The following GAS7 variants were observed in gnomAD, a reference collection of about 807,000 sequenced individuals.
GAS7 encodes growth arrest-specific protein 7.
Under a neutral mutation model 71.1 loss-of-function variants are expected in GAS7, and 28 were observed. The ratio of observed to expected loss-of-function variants is 0.39; its 90% confidence interval spans 0.29 to 0.54. The LOEUF is 0.54. Ranked by LOEUF, GAS7 falls within the 20% of genes least tolerant of loss-of-function variation. The pLI, the probability that GAS7 is intolerant of heterozygous loss-of-function variation, is 0.62. For synonymous variants in GAS7, 258 were observed against 245.8 expected (o/e 1.05, Z -0.46); for missense variants, 436 against 627.8 (o/e 0.69, Z 3.27).
At position 10,198,581 on chromosome 17, in the gene GAS7, G is replaced by GA; in HGVS notation, c.-192_-191insT. 1 of 373,968 alleles carries GA rather than the reference G, an allele frequency of 2.7e-6. No individual in the cohort carries two copies. Among genetic ancestry groups the GA allele is most frequent in the Non-Finnish European group, 4.7e-6 (1 of 213,116 alleles). 23.2% of individuals were successfully genotyped at this position (373,968 alleles called of 1,614,324 possible). A position where few individuals can be genotyped will look rare whatever the true frequency, so the allele number is the denominator to read the frequency against. The stretch of plus-strand genomic sequence containing the variant: ...GCTCCGCGCCGGGAAGCAGAGACTC[G>GA]TTGGCTTCGCAGAGCGAGCGGCGAC... On this transcript the variant is annotated 5_prime_UTR_variant, in exon 1 of 14. Coordinates refer to ENST00000432992, the MANE Select transcript of GAS7 (RefSeq NM_201433.2).
intron 1 of GAS7, among the ~76,000 whole-genome samples, chr17:10,195,001 G>C (rs569637362): frequency 5.1e-4 from 78 of 152,140 alleles, no homozygotes; most frequent in African/African-American, 1.8e-3. Context: ...TCCTTTTCTG[G>C]AGGTAGGTGT....
intron 1 of GAS7, among the ~76,000 whole-genome samples, chr17:10,167,129 C>T (rs528724143): frequency 1.5e-5 from 2 of 133,060 alleles, no homozygotes; most frequent in African/African-American, 5.8e-5. Flanking sequence ...GTGATCTCGG[C>T]TCACCGCAAC....
chr17:10,112,791 G>C (rs905825827), intron 1 of GAS7, among the ~76,000 whole-genome samples: 1 of 136,896 alleles, frequency 7.3e-6, no homozygotes, highest in African/African-American at 2.7e-5. Context: ...GAAAGAGAAA[G>C]AAAGAAAAGA....
rs1032313327 is a variant in GAS7, at chr17:10,103,872, T to C, written c.184-83975A>G. On this transcript the variant is annotated intron_variant, in intron 1 of 13. Coordinates refer to ENST00000432992, the MANE Select transcript of GAS7 (RefSeq NM_201433.2). The surrounding 1 kb of genome is among the most constrained non-coding windows in gnomAD (Gnocchi z 5.5). ...AAAAGAAGCAAACCCATAGAACCCA[T>C]AGTAGCTGCTCATCAACCCACAGCC... Among the ~76,000 whole-genome samples, 2 of 148,602 alleles carry C rather than the reference T, an allele frequency of 1.3e-5. No individual in the cohort carries two copies. Among genetic ancestry groups the C allele is most frequent in the Admixed American group, 6.7e-5 (1 of 14,910 alleles).
chr17:9,936,897 T>C (rs1314980702), intron 8 of GAS7, among the ~76,000 whole-genome samples: 1 of 152,180 alleles, frequency 6.6e-6, no homozygotes, highest in Non-Finnish European at 1.5e-5. Context: ...AATGTGCACA[T>C]GTCCTGTGAA....
chr17:9,961,504 C>T (rs931228967), intron 4 of GAS7, among the ~76,000 whole-genome samples: 6 of 152,190 alleles, frequency 3.9e-5, no homozygotes, highest in African/African-American at 9.7e-5. Flanking sequence ...CCATCACCAC[C>T]GCGTTCCCAC....
chr17:9,922,526 C>T (rs1276426464), intron 11 of GAS7, among the ~76,000 whole-genome samples: 1 of 152,210 alleles, frequency 6.6e-6, no homozygotes, highest in East Asian at 1.9e-4. Context: ...TGCTCTAAAG[C>T]ATGGAGGCTG....
At chr17:9,988,047 A>G (rs2070707559) in intron 2 of GAS7, among the ~76,000 whole-genome samples, 1 of 152,196 alleles carries the variant, frequency 6.6e-6, no homozygotes, top group Non-Finnish European at 1.5e-5. Flanking sequence ...GCAGAAGGAA[A>G]TGGACTCTGG....
intron 1 of GAS7, chr17:10,059,965 A>C: frequency 4.2e-6 from 1 of 236,118 alleles, no homozygotes; most frequent in Non-Finnish European, 6.9e-6. Context: ...TTTCCCCCTG[A>C]GGGTGGGTGG....
intron 1 of GAS7, chr17:10,059,592 T>A: frequency 1.8e-6 from 1 of 565,996 alleles, no homozygotes; most frequent in African/African-American, 2.0e-5. Context: ...GGAAGATTTC[T>A]CCTCCTGCAG....
chr17:10,123,211 T>C (rs938115074), intron 1 of GAS7, among the ~76,000 whole-genome samples: 1 of 152,176 alleles, frequency 6.6e-6, no homozygotes, highest in Non-Finnish European at 1.5e-5. Flanking sequence ...CTGGAAAGCA[T>C]TGTTTGTCAT....
intron 2 of GAS7, among the ~76,000 whole-genome samples, chr17:9,991,327 C>T (rs761324540): frequency 1.3e-5 from 2 of 152,118 alleles, no homozygotes; most frequent in African/African-American, 2.4e-5. Context: ...AGGGAAACAT[C>T]ACTATGAGTG....
chr17:10,191,555 CAAAAA>C (rs59145222), intron 1 of GAS7, among the ~76,000 whole-genome samples: 5 of 88,132 alleles, frequency 5.7e-5, no homozygotes, highest in Admixed American at 1.3e-4. Flanking sequence ...GACCCTGTGT[CAAAAA>C]AAAAAAAAAA....
intron 9 of GAS7, among the ~76,000 whole-genome samples, chr17:9,927,461 CAG>C (rs941835052): frequency 2.7e-5 from 4 of 150,214 alleles, no homozygotes; most frequent in African/African-American, 7.4e-5. Context: ...GCCTGGGTGA[CAG>C]AGTGAGACTT....
rs1333225947 is a variant in GAS7 at position 10,024,156 on chromosome 17, C to CT, written c.184-4260dup. 2.6e-5 allele frequency among the ~76,000 whole-genome samples: 4 copies of CT among 151,972 alleles called. 1 individual carries two copies. The highest frequency in any genetic ancestry group is 5.9e-5 in the Non-Finnish European group (4 of 67,978). ...AAGAAAAAATAAAAAAATAAAAAAA[C>CT]TTTTTTCTGCCTTCTGCGAAGGCAG... is the stretch of plus-strand genomic sequence containing the variant. On this transcript the variant is annotated intron_variant, in intron 1 of 13. Coordinates refer to ENST00000432992, the MANE Select transcript of GAS7 (RefSeq NM_201433.2).
In GAS7 at chr17:10,134,607, T is replaced by C. The variant is rs77419441; in HGVS notation, c.183+63601A>G. ...GCCCTTTCTCTTATCCTGAAATTGA[T>C]CTAGGACAGGTGAGCCCCAAAGTGG... On this transcript the variant is annotated intron_variant, in intron 1 of 13. Transcript: ENST00000432992. Among the ~76,000 whole-genome samples the C allele has an allele frequency of 2.0e-5, 3 of 152,310 alleles. No individual in the cohort carries two copies. The East Asian group carries it at 5.8e-4, about 29-fold the overall frequency.
At chr17:10,013,385 T>C (rs899589611) in intron 2 of GAS7, among the ~76,000 whole-genome samples, 1 of 152,210 alleles carries the variant, frequency 6.6e-6, no homozygotes, top group Admixed American at 6.5e-5. Flanking sequence ...GGGTAGGCTA[T>C]TGATAATAGC....
intron 1 of GAS7, among the ~76,000 whole-genome samples, chr17:10,134,559 T>C (rs1458927379): frequency 2.0e-5 from 3 of 152,192 alleles, no homozygotes; most frequent in Non-Finnish European, 4.4e-5. Flanking sequence ...TGTGCAAAGA[T>C]CCCTTTTGCT....
At chr17:9,977,884 C>G (rs1450633226) in intron 3 of GAS7, among the ~76,000 whole-genome samples, 1 of 152,164 alleles carries the variant, frequency 6.6e-6, no homozygotes, top group Admixed American at 6.6e-5. Flanking sequence ...GGTGGCCCTT[C>G]AAACTCTCTC....
Sources: allele counts gnomAD v4.1 joint callset (sites outside exome capture counted in the v4.1 genomes callset), GRCh38; gene constraint gnomAD v4.1.1; non-coding constraint Gnocchi (gnomAD v3.1); transcripts MANE v1.5; gene names NCBI Gene and HGNC (gene_info 2026-07-23, HGNC 2026-07-21).